IQSEC1: variants seen among roughly 807,000 people sequenced by gnomAD.
The protein encoded by IQSEC1 is IQ motif and SEC7 domain-containing protein 1.
Under a neutral mutation model 91.0 loss-of-function variants are expected in IQSEC1, and 31 were observed. The observed-to-expected ratio is 0.34, with a 90% CI of 0.26 to 0.46. The LOEUF (loss-of-function observed/expected upper bound fraction) is 0.46. Among genes scored for constraint, IQSEC1 ranks in the 20% least tolerant of loss-of-function variants. The probability of loss-of-function intolerance (pLI) is 1.00; values close to 1 mark genes in which losing one functional copy is unlikely to be tolerated. For synonymous variants in IQSEC1, 699 were observed against 662.6 expected (o/e 1.05, Z -0.84); for missense variants, 1,388 against 1,575.6 (o/e 0.88, Z 2.02).
intron 1 of IQSEC1, among the ~76,000 whole-genome samples, chr3:13,278,756 T>C (rs1053631652): frequency 6.6e-6 from 1 of 152,038 alleles, no homozygotes; most frequent in African/African-American, 2.4e-5. Context: ...GAGGCGGAAC[T>C]TTCAGTGAGC....
At chr3:12,949,100 A>AG (rs1386467634) in intron 1 of IQSEC1, among the ~76,000 whole-genome samples, 1 of 152,204 alleles carries the variant, frequency 6.6e-6, no homozygotes, top group South Asian at 2.1e-4. Context: ...TGACAAACTC[A>AG]GGGATGGAAG....
chr3:13,025,599 G>A (rs1216227620), intron 1 of IQSEC1, among the ~76,000 whole-genome samples: 6 of 152,288 alleles, frequency 3.9e-5, no homozygotes, highest in East Asian at 3.9e-4. Flanking sequence ...CCCTCTCCTC[G>A]CCTGTTGAGA....
At chr3:13,270,283 C>A (rs1320976009) in intron 1 of IQSEC1, among the ~76,000 whole-genome samples, 1 of 152,142 alleles carries the variant, frequency 6.6e-6, no homozygotes, top group Admixed American at 6.5e-5. Context: ...TGTTACAGGC[C>A]AACAAATAAA....
intron 2 of IQSEC1, among the ~76,000 whole-genome samples, chr3:13,161,037 T>C (rs1389166914): frequency 2.6e-5 from 4 of 151,906 alleles, no homozygotes; most frequent in Non-Finnish European, 5.9e-5. Context: ...GCAGCTGCCA[T>C]GGGGGCTCTG....
At position 13,282,889 on chromosome 3, in the gene IQSEC1, G is replaced by C. The variant is rs958405431; in HGVS notation, c.94C>G (p.Arg32Gly). Among the ~76,000 whole-genome samples the C allele has an allele frequency of 4.9e-4, 72 of 147,614 alleles. No individual in the cohort carries two copies. Among genetic ancestry groups the C allele is most frequent in the Admixed American group, 3.4e-4 (5 of 14,902 alleles). ...TCCAGCTCCTCGATGCGCCGTCGCC[G>C]GCGCGCCAGCAGCTCCTGCTGCGCG... The change falls in exon 1 of 16, where the codon CGG (arginine) becomes GGG (glycine). Residue 32 changes from arginine to glycine, a missense_variant. Arg to Gly is a moderately radical substitution (Grantham distance 125). Transcript: ENST00000648114. The surrounding 1 kb of genome is among the most constrained non-coding windows in gnomAD (Gnocchi z 6.4).
intron 2 of IQSEC1, among the ~76,000 whole-genome samples, chr3:13,094,095 A>T (rs1338353886): frequency 1.3e-5 from 2 of 152,158 alleles, no homozygotes; most frequent in African/African-American, 2.4e-5. Context: ...ATGAAGAAAC[A>T]GGGCTGAGGG....
chr3:12,956,029 C>G (rs1237485636), intron 1 of IQSEC1, among the ~76,000 whole-genome samples: 1 of 152,192 alleles, frequency 6.6e-6, no homozygotes, highest in Non-Finnish European at 1.5e-5. Context: ...ATATGAAAAT[C>G]TAAGTTTCGG....
chr3:13,174,590 T>C (rs1693688287), intron 1 of IQSEC1, among the ~76,000 whole-genome samples: 1 of 152,082 alleles, frequency 6.6e-6, no homozygotes, highest in Non-Finnish European at 1.5e-5. Flanking sequence ...GAGGCACCCC[T>C]TCCAGAATCA....
Position 12,900,001 on chromosome 3 carries a change from G to C in IQSEC1, c.*982C>G. Reference sequence around the variant, plus strand: ...ATCATGGAGAGTCACAGTTATCGCAGCCATTAAAGTGTCTAAGAATCCGTG... The same window carrying C: ...ATCATGGAGAGTCACAGTTATCGCACCCATTAAAGTGTCTAAGAATCCGTG... On this transcript the variant is annotated 3_prime_UTR_variant, in exon 14 of 14. Transcript: ENST00000613206. 1 of 985,364 alleles carries C rather than the reference G, an allele frequency of 1.0e-6. No homozygotes were observed. The highest frequency in any genetic ancestry group is 1.2e-6 in the Non-Finnish European group (1 of 829,910). 61.0% of individuals were successfully genotyped at this position (985,364 alleles called of 1,614,324 possible).
At chr3:12,938,792 C>T (rs1384112598) in intron 2 of IQSEC1, among the ~76,000 whole-genome samples, 1 of 152,166 alleles carries the variant, frequency 6.6e-6, no homozygotes, top group Non-Finnish European at 1.5e-5. Flanking sequence ...ACCACGCAGC[C>T]ACCCTGTTTT....
chr3:12,958,572 C>T (rs532863141), intron 1 of IQSEC1, among the ~76,000 whole-genome samples: 7 of 152,364 alleles, frequency 4.6e-5, no homozygotes, highest in African/African-American at 7.2e-5. Context: ...TATCACGTCG[C>T]TGCACTGCAT....
chr3:13,109,974 C>T (rs1397460571), intron 2 of IQSEC1, among the ~76,000 whole-genome samples: 1 of 150,992 alleles, frequency 6.6e-6, no homozygotes, highest in Non-Finnish European at 1.5e-5. Context: ...CCTCCACCTC[C>T]CAGGTTCAAG....
rs189222089 is a variant in IQSEC1, at chr3:13,127,195, C to T, written c.302+36909G>A. Among the ~76,000 whole-genome samples, 828 of 152,052 alleles carry T rather than the reference C, an allele frequency of 5.4e-3. 13 individuals carry two copies. Among genetic ancestry groups the T allele is most frequent in the African/African-American group, 0.019 (792 of 41,448 alleles). The stretch of plus-strand genomic sequence containing the variant: ...TGGGAGGCCGAGGCAGGTGGATCAC[C>T]TGAGGTCTGGAGTTCGAGACCAGCC... On this transcript the variant is annotated intron_variant, in intron 2 of 15. Coordinates refer to the IQSEC1 transcript ENST00000648114.
Position 12,924,786 on chromosome 3 carries a change from A to G in IQSEC1, c.1569-44T>C. 6.6e-7 allele frequency: 1 copy of G among 1,504,486 alleles called. No homozygotes were observed. Among genetic ancestry groups the G allele is most frequent in the Non-Finnish European group, 8.9e-7 (1 of 1,119,840 alleles). 93.2% of individuals were successfully genotyped at this position (1,504,486 alleles called of 1,614,324 possible). A position where few individuals can be genotyped will look rare whatever the true frequency, so the allele number is the denominator to read the frequency against. ...CACACTCAGTCCCAGCTGCCCGGCCACCAGCCAGGCACCTGGAGGGGATCT... is the reference window on the plus strand; with the variant it reads ...CACACTCAGTCCCAGCTGCCCGGCCGCCAGCCAGGCACCTGGAGGGGATCT... On this transcript the variant is annotated intron_variant, in intron 3 of 13. Transcript: ENST00000613206. This position sits in a 1 kb window ranked among gnomAD's most constrained non-coding sequence, Gnocchi z 6.3.
At chr3:13,066,400 C>T (rs1705229720) in intron 1 of IQSEC1, among the ~76,000 whole-genome samples, 1 of 152,256 alleles carries the variant, frequency 6.6e-6, no homozygotes, top group Admixed American at 6.5e-5. Flanking sequence ...GGCACTGTGT[C>T]TGTCACAGCG....
intron 2 of IQSEC1, among the ~76,000 whole-genome samples, chr3:13,088,775 G>C (rs1426624899): frequency 2.6e-5 from 4 of 152,172 alleles, no homozygotes; most frequent in Non-Finnish European, 5.9e-5. Context: ...TCCAGCTCCA[G>C]CTCCAGGCTC....
rs140719347 is a variant in IQSEC1 at position 13,263,836 on chromosome 3, G to A, written c.272+18875C>T. On this transcript the variant is annotated intron_variant, in intron 1 of 15. Transcript: ENST00000648114. ...AGGCTGGAGTGGATCCTGGAGCGCC[G>A]GGCTGGGCGCACGCTTGCTGGTGAC... is the stretch of plus-strand genomic sequence containing the variant. Among the ~76,000 whole-genome samples the A allele has an allele frequency of 1.1e-3, 170 of 152,118 alleles. 1 individual carries two copies. Among genetic ancestry groups the A allele is most frequent in the Non-Finnish European group, 1.9e-3 (130 of 67,994 alleles).
intron 6 of IQSEC1, among the ~76,000 whole-genome samples, chr3:12,917,237 C>G (rs761337898): frequency 7.9e-5 from 12 of 152,258 alleles, no homozygotes; most frequent in Non-Finnish European, 1.6e-4. Flanking sequence ...TGAGCCTACA[C>G]GGACACATCA....
chr3:12,987,472 A>G (rs1398301304), intron 1 of IQSEC1, among the ~76,000 whole-genome samples: 1 of 152,246 alleles, frequency 6.6e-6, no homozygotes, highest in Non-Finnish European at 1.5e-5. Flanking sequence ...GTAGATGAAA[A>G]TCTATTCCAG....
Sources: gnomAD v4.1 joint callset for allele counts (sites outside exome capture counted in the v4.1 genomes callset) on GRCh38, gnomAD v4.1.1 for gene constraint, Gnocchi (gnomAD v3.1) non-coding constraint, MANE v1.5 for transcripts, NCBI Gene and HGNC (gene_info 2026-07-23, HGNC 2026-07-21) for gene names.